The following COL5A3 variants were observed in gnomAD, a reference collection of about 807,000 sequenced individuals.
The protein encoded by COL5A3 is collagen alpha-3(V) chain.
A neutral mutation model predicts 250.0 loss-of-function variants in COL5A3; 172 were observed. The observed-to-expected ratio is 0.69, with a 90% CI of 0.61 to 0.78. The LOEUF (loss-of-function observed/expected upper bound fraction) is 0.78. COL5A3 is among the 30% of genes least tolerant of loss of function. COL5A3 has a pLI of 0.00. For missense variants in COL5A3, 2,340 were observed against 2,334.4 expected (o/e 1.00, Z -0.05); for synonymous variants, 937 against 900.4 (o/e 1.04, Z -0.73).
chr19:9,996,904 G>T, intron 11 of COL5A3: 1 of 567,948 alleles, frequency 1.8e-6, no homozygotes. Context: ...AAGAGAAGGG[G>T]AGAGAGGGAT....
Position 9,979,231 on chromosome 19 carries a change from T to A in COL5A3, c.2775A>T (p.Thr925=). ...PAGVLGPQGK[T]GEVGPLGERG... The stretch of plus-strand genomic sequence containing the variant: ...TTTCACCTAGAGGTCCCACTTCTCC[T>A]GTCTTTCCCTGGTGAGGAAGAAGGC... The change falls in exon 39 of 67, where the codon ACA becomes ACT. Residue 925 remains threonine (T), a synonymous_variant. Transcript: ENST00000264828. 1 of 1,607,224 alleles carries A rather than the reference T, an allele frequency of 6.2e-7. No homozygotes were observed. Among genetic ancestry groups the A allele is most frequent in the Non-Finnish European group, 8.5e-7 (1 of 1,176,920 alleles).
intron 37 of COL5A3, 22 bp from the exon 38 acceptor site, chr19:9,979,439 G>C: frequency 6.2e-7 from 1 of 1,613,814 alleles, no homozygotes; most frequent in Non-Finnish European, 8.5e-7. Context: ...AATTAAATGT[G>C]GGGGCGGTGT....
At position 9,967,495 on chromosome 19, in the gene COL5A3, TCA is replaced by T. The variant is rs3074540; in HGVS notation, c.4405-97_4405-96del. On this transcript the variant is annotated intron_variant, in intron 61 of 66. Coordinates refer to ENST00000264828, the MANE Select transcript of COL5A3 (RefSeq NM_015719.4). The stretch of plus-strand genomic sequence containing the variant: ...CACACACACACACTCACACACACAC[TCA>T]CACACACACAGTCTCACACACTCAC... The T allele has an allele frequency of 1.4e-3, 1,043 of 772,288 alleles. 11 individuals carry two copies. In the South Asian group the frequency reaches 0.016, roughly 12 times the overall value. The allele number at this position is 772,288 out of a possible 1,614,324, so 47.8% of individuals were successfully genotyped here. A position where few individuals can be genotyped will look rare whatever the true frequency, so the allele number is the denominator to read the frequency against.
Position 9,979,989 on chromosome 19 carries a change from C to G in COL5A3, c.2658+5G>C. 2 of 1,586,750 alleles carry G rather than the reference C, an allele frequency of 1.3e-6. No homozygotes were observed. Among genetic ancestry groups the G allele is most frequent in the Non-Finnish European group, 1.7e-6 (2 of 1,172,588 alleles). The stretch of plus-strand genomic sequence containing the variant: ...CCAACCCCCAATGAGGGTGACCTCA[C>G]TCACAGGGGGGCCCTTTGGCCCAGG... On this transcript the variant is annotated splice_donor_5th_base_variant and intron_variant, in intron 36 of 66. Transcript: ENST00000264828.
At chr19:10,005,264 C>T (rs558327473) in intron 4 of COL5A3, among the ~76,000 whole-genome samples, 5 of 151,892 alleles carry the variant, frequency 3.3e-5, no homozygotes, top group South Asian at 2.1e-4. Context: ...GGCTGAGAAT[C>T]GCTTGAACCC....
chr19:9,986,787 G>C, intron 27 of COL5A3, 29 bp from the exon 28 acceptor site: 17 of 1,608,458 alleles, frequency 1.1e-5, no homozygotes, highest in Non-Finnish European at 1.4e-5. Context: ...AAGCTCTCAA[G>C]CCTCTTCCCT....
intron 1 of COL5A3, among the ~76,000 whole-genome samples, chr19:10,007,552 T>A (rs1020164202): frequency 2.0e-5 from 3 of 150,882 alleles, no homozygotes; most frequent in Non-Finnish European, 4.4e-5. Flanking sequence ...CCCGAGCCCC[T>A]GTCTGATTCC....
chr19:9,979,184 C>T lies in COL5A3; in HGVS notation c.2822G>A (p.Gly941Glu). Residue 941 changes from glycine to glutamate, a missense_variant, in exon 39 of 67, where the codon GGA becomes GAA. Physicochemically the swap from Gly to Glu is moderately conservative, Grantham distance 98 (BLOSUM62 -2). Around this residue, in one of 3 missense-constraint regions of COL5A3, gnomAD observed 1,179 missense variants for 1,162.6 expected, o/e 1.01. Coordinates refer to ENST00000264828, the MANE Select transcript of COL5A3 (RefSeq NM_015719.4). ...AGGAAGACCTTGTTCACCAGGAGGT[C>T]CAGGGGGGCCTGGAGGCCCCCTTTC... ...LGERGPPGPP[G>E]PPGEQGLPGL... 6.2e-7 allele frequency: 1 copy of T among 1,603,244 alleles called. No homozygotes were observed. The highest frequency in any genetic ancestry group is 8.5e-7 in the Non-Finnish European group (1 of 1,177,044).
At chr19:9,977,942 CTATACATATATATATATATATATA>C (rs57435203) in intron 41 of COL5A3, among the ~76,000 whole-genome samples, 16,705 of 89,662 alleles carry the variant, frequency 0.19, 1,168 homozygotes, top group South Asian at 0.39. Flanking sequence ...TCCTGGCAGC[CTATACATATATATATATATATATA>C]TATATATATA....
chr19:9,981,588 G>A (rs145260635), intron 32 of COL5A3, among the ~76,000 whole-genome samples: 30 of 152,246 alleles, frequency 2.0e-4, no homozygotes, highest in African/African-American at 6.7e-4. Flanking sequence ...ACTCATGTAC[G>A]TACATACAAT....
At position 9,970,605 on chromosome 19, in the gene COL5A3, G is replaced by A. The variant is rs747759254; in HGVS notation, c.3936+17C>T. 7 of 1,427,368 alleles carry A rather than the reference G, an allele frequency of 4.9e-6. No individual in the cohort carries two copies. The highest frequency in any genetic ancestry group is 6.4e-6 in the Non-Finnish European group (7 of 1,088,662). The allele number at this position is 1,427,368 out of a possible 1,614,324, so 88.4% of individuals were successfully genotyped here. A position where few individuals can be genotyped will look rare whatever the true frequency, so the allele number is the denominator to read the frequency against. ...CTGTAGATAAGCTGAGGACCCAGGA[G>A]GTGGCTTATCACTTACCCTCTTGCC... On this transcript the variant is annotated intron_variant, in intron 54 of 66. Coordinates refer to ENST00000264828, the MANE Select transcript of COL5A3 (RefSeq NM_015719.4).
intron 6 of COL5A3, among the ~76,000 whole-genome samples, chr19:10,003,324 A>G (rs1040230136): frequency 9.9e-5 from 15 of 152,134 alleles, no homozygotes; most frequent in African/African-American, 3.4e-4. Flanking sequence ...GGGGTCAGAG[A>G]TGGGAGAGAT....
At chr19:9,970,464 T>TGGGGTCTGTGGGTGA (rs2086827161) in intron 54 of COL5A3, among the ~76,000 whole-genome samples, 158 bp downstream of exon 54, 1 of 16,262 alleles carries the variant, frequency 6.1e-5, no homozygotes, top group Admixed American at 5.9e-4. Flanking sequence ...TCTGTGGGTG[T>TGGGGTCTGTGGGTGA]GTGGGGTCTG....
At chr19:9,996,880 A>T in intron 11 of COL5A3, 191 bp from the exon 12 acceptor site, 2 of 578,678 alleles carry the variant, frequency 3.5e-6, no homozygotes, top group Non-Finnish European at 6.0e-6. Flanking sequence ...AAAGACAGAG[A>T]TGGAACAGAG....
rs1042738373 is a variant in COL5A3, at chr19:9,980,966, G to A, written c.2506-107C>T. On this transcript the variant is annotated intron_variant, in intron 33 of 66. Transcript: ENST00000264828. ...CCCCTTGTGACTCCCTCTCCTGCCC[G>A]ACCAGGGACATTGATATAACCCAAA... 6.7e-6 allele frequency: 10 copies of A among 1,494,888 alleles called. No homozygotes were observed. In the South Asian group the frequency reaches 6.9e-5, roughly 10 times the overall value. 92.6% of individuals were successfully genotyped at this position (1,494,888 alleles called of 1,614,324 possible).
rs190617506 is a variant in COL5A3, at chr19:9,969,456, G to C, written c.4099-54C>G. 2.6e-4 allele frequency: 411 copies of C among 1,593,014 alleles called. 5 individuals carry two copies. The East Asian group carries it at 9.1e-3, about 35-fold the overall frequency. On this transcript the variant is annotated intron_variant, in intron 56 of 66. Transcript: ENST00000264828. ...CTGCACCCTGTCAGAACACAGTGTGGACCCCCCCCCGACCATGCACCAGGG... is the reference window on the plus strand; with the variant it reads ...CTGCACCCTGTCAGAACACAGTGTGCACCCCCCCCCGACCATGCACCAGGG...
intron 64 of COL5A3, among the ~76,000 whole-genome samples, chr19:9,966,054 A>G (rs1599526806): frequency 6.6e-6 from 1 of 151,008 alleles, no homozygotes; most frequent in African/African-American, 2.4e-5. Flanking sequence ...CTGGTCTCGA[A>G]CTCCTGACCT....
rs769989463 is a variant in COL5A3 at position 9,980,602 on chromosome 19, T to TCTCA, written c.2604+45_2604+46insTGAG. The TCTCA allele has an allele frequency of 2.8e-3, 4,335 of 1,527,230 alleles. 46 individuals carry two copies. In the African/African-American group the frequency reaches 0.054, roughly 19 times the overall value. 94.6% of individuals were successfully genotyped at this position (1,527,230 alleles called of 1,614,324 possible). Reference sequence around the variant, plus strand: ...GTCCTCCACTCAGAATCTCTCTCTCTCACACACACACACATTCACACACAC... The same window carrying TCTCA: ...GTCCTCCACTCAGAATCTCTCTCTCTCTCACACACACACACACATTCACACACAC... On this transcript the variant is annotated intron_variant, in intron 35 of 66. Coordinates refer to ENST00000264828, the MANE Select transcript of COL5A3 (RefSeq NM_015719.4).
chr19:9,979,748 T>C (rs1200420322), intron 37 of COL5A3, 91 bp downstream of exon 37: 1 of 1,238,960 alleles, frequency 8.1e-7, no homozygotes, highest in Non-Finnish European at 1.1e-6. Flanking sequence ...ATTGCCCCAC[T>C]GCACTCTAGC....
Sources: gnomAD v4.1 joint callset for allele counts (sites outside exome capture counted in the v4.1 genomes callset) on GRCh38, gnomAD v4.1.1 for gene constraint, gnomAD v4.1.1 regional missense constraint, MANE v1.5 for transcripts, NCBI Gene and HGNC (gene_info 2026-07-23, HGNC 2026-07-21) for gene names.